The following HK1 variants were observed in gnomAD, a reference collection of about 807,000 sequenced individuals.
HK1 encodes hexokinase-1.
HK1 carries 28 observed loss-of-function variants against 91.6 expected under a neutral mutation model. The ratio of observed to expected loss-of-function variants is 0.31; its 90% confidence interval spans 0.23 to 0.42. The LOEUF (loss-of-function observed/expected upper bound fraction) is 0.42, where lower values mean the gene tolerates loss of function less well. HK1 is among the 10% of genes least tolerant of loss of function. The pLI is 1.00. For missense variants in HK1, 770 were observed against 1,219.8 expected, an observed-to-expected ratio of 0.63 and a Z score of 5.49; for synonymous variants, 430 against 468.1, an observed-to-expected ratio of 0.92 and a Z score of 1.05.
chr10:69,293,965 C>A (rs1338683487), intron 3 of HK1, among the ~76,000 whole-genome samples: 4 of 148,742 alleles, frequency 2.7e-5, no homozygotes, highest in Non-Finnish European at 5.9e-5. Flanking sequence ...GGGTTCACGC[C>A]ATTCTCCTGC....
intron 13 of HK1, 193 bp downstream of exon 13, chr10:69,386,611 G>T (rs1049262682): frequency 2.5e-5 from 11 of 437,344 alleles, no homozygotes; most frequent in Admixed American, 1.0e-4. Context: ...GTGAAACCCT[G>T]TCTCTACTAA....
At chr10:69,336,389 C>G (rs1847985495) in intron 1 of HK1, among the ~76,000 whole-genome samples, 1 of 151,684 alleles carries the variant, frequency 6.6e-6, no homozygotes, top group Non-Finnish European at 1.5e-5. Context: ...CAGGGTTTCT[C>G]CATGTTGGTC....
chr10:69,298,067 C>T (rs1204092105), intron 4 of HK1, among the ~76,000 whole-genome samples: 2 of 150,712 alleles, frequency 1.3e-5, no homozygotes, highest in African/African-American at 4.9e-5. Flanking sequence ...AAAAATTAGC[C>T]AGGCGTGGTG....
chr10:69,361,552 A>C (rs1402327229), intron 3 of HK1, among the ~76,000 whole-genome samples: 1 of 152,194 alleles, frequency 6.6e-6, no homozygotes, highest in Non-Finnish European at 1.5e-5. Context: ...TGCTGCAAAC[A>C]TTCCCTGTGT....
At chr10:69,277,028 A>T (rs1307479406) in intron 1 of HK1, among the ~76,000 whole-genome samples, 1 of 152,030 alleles carries the variant, frequency 6.6e-6, no homozygotes, top group Non-Finnish European at 1.5e-5. Flanking sequence ...GCTTCCTCTA[A>T]GTGTTTTGAC....
chr10:69,277,432 G>A (rs1341404804), intron 1 of HK1, among the ~76,000 whole-genome samples: 1 of 152,080 alleles, frequency 6.6e-6, no homozygotes, highest in Admixed American at 6.6e-5. Flanking sequence ...GCCAGGCATG[G>A]TGGTGCCCAC....
chr10:69,347,575 A>T (rs997952067), intron 2 of HK1, among the ~76,000 whole-genome samples: 2 of 151,760 alleles, frequency 1.3e-5, no homozygotes, highest in Non-Finnish European at 2.9e-5. Context: ...AGCTGGGATT[A>T]CAAGTGCGCA....
At chr10:69,324,668 T>G (rs1346854547) in intron 1 of HK1, among the ~76,000 whole-genome samples, 3 of 152,176 alleles carry the variant, frequency 2.0e-5, no homozygotes, top group Non-Finnish European at 4.4e-5. Context: ...CATGGTGTGG[T>G]CATACCTTGG....
chr10:69,369,746 A>C lies in HK1; in HGVS notation c.875+122A>C, dbSNP rs923634730. Reference sequence around the variant, plus strand: ...GATCACAAACAGAAAAGCCTGTCACATTTTTTTTTTGAGGCGGAGTCTTGC... The same window carrying C: ...GATCACAAACAGAAAAGCCTGTCACCTTTTTTTTTTGAGGCGGAGTCTTGC... On this transcript the variant is annotated intron_variant, in intron 7 of 17. Transcript: ENST00000359426. This position sits in a 1 kb window ranked among gnomAD's most constrained non-coding sequence, Gnocchi z 4.4. The C allele has an allele frequency of 6.7e-6, 6 of 896,524 alleles. No individual in the cohort carries two copies. The highest frequency in any genetic ancestry group is 1.7e-5 in the African/African-American group (1 of 58,668). The allele number at this position is 896,524 out of a possible 1,614,324, so 55.5% of individuals were successfully genotyped here. A position where few individuals can be genotyped will look rare whatever the true frequency, so the allele number is the denominator to read the frequency against.
chr10:69,294,509 C>T (rs1845455443), intron 3 of HK1, among the ~76,000 whole-genome samples: 1 of 151,996 alleles, frequency 6.6e-6, no homozygotes, highest in Admixed American at 6.6e-5. Context: ...ATCACTTGAG[C>T]CCAGGAGTTT....
chr10:69,276,117 AAATACATAT>A lies in HK1; in HGVS notation c.-391+6011_-391+6019del, dbSNP rs1844439992. Among the ~76,000 whole-genome samples the A allele has an allele frequency of 7.6e-5, 5 of 65,592 alleles. 1 individual carries two copies. Among genetic ancestry groups the A allele is most frequent in the African/African-American group, 3.6e-4 (5 of 14,000 alleles). The allele number at this position is 65,592 out of a possible 152,430, so 43.0% of individuals were successfully genotyped here. On this transcript the variant is annotated intron_variant, in intron 1 of 21. Coordinates refer to the HK1 transcript ENST00000360289. ...AAAAAAAAAAAAAAAAAAAAAAAAA[AAATACATAT>A]ATATATATATATACACATATATATA...
At chr10:69,397,813 A>T (rs931362505) in intron 16 of HK1, among the ~76,000 whole-genome samples, 1 of 152,244 alleles carries the variant, frequency 6.6e-6, no homozygotes, top group Non-Finnish European at 1.5e-5. Flanking sequence ...TTGAGACGTA[A>T]GAAGTAGTTT....
intron 1 of HK1, chr10:69,338,309 G>A (rs1353001783): frequency 8.5e-7 from 1 of 1,180,460 alleles, no homozygotes; most frequent in Non-Finnish European, 1.1e-6. Flanking sequence ...GGGTTCTCAG[G>A]CAAGAGTCTG....
At chr10:69,333,959 A>G (rs1258315476) in intron 1 of HK1, among the ~76,000 whole-genome samples, 1 of 152,058 alleles carries the variant, frequency 6.6e-6, no homozygotes. Context: ...AAAAATACAA[A>G]AATTAGCTGG....
intron 7 of HK1, among the ~76,000 whole-genome samples, chr10:69,371,075 A>G (rs781104151): frequency 3.9e-5 from 6 of 152,258 alleles, no homozygotes; most frequent in Non-Finnish European, 7.3e-5. Flanking sequence ...ATGACCCAAA[A>G]GATCTCAGTA....
At chr10:69,331,373 A>T (rs1182243117) in intron 1 of HK1, among the ~76,000 whole-genome samples, 1 of 152,228 alleles carries the variant, frequency 6.6e-6, no homozygotes, top group East Asian at 1.9e-4. Context: ...GGCCTTCTTC[A>T]TAGAAACTGT....
chr10:69,311,620 C>T (rs1031958264), upstream of HK1, among the ~76,000 whole-genome samples: 2 of 152,108 alleles, frequency 1.3e-5, no homozygotes, highest in African/African-American at 4.8e-5. Context: ...GTTAACCCTT[C>T]CTCCTCCAGG....
chr10:69,368,617 A>G lies in HK1; in HGVS notation c.577A>G (p.Ile193Val). The G allele has an allele frequency of 6.2e-7, 1 of 1,613,990 alleles. No individual in the cohort carries two copies. Among genetic ancestry groups the G allele is most frequent in the Non-Finnish European group, 8.5e-7 (1 of 1,179,792 alleles). Reference protein sequence around the residue: ...ADVVKLLNKAIKKRGDYDANI... With the variant: ...ADVVKLLNKAVKKRGDYDANI... ...TGTGGTCAAACTGCTTAACAAAGCC[A>G]TCAAAAAGCGAGGGGTAATTTCTCC... Residue 193 changes from isoleucine to valine, a missense_variant, in exon 5 of 18, where the codon ATC becomes GTC. Around this residue, in one of 7 missense-constraint regions of HK1, gnomAD observed 449 missense variants for 665.1 expected, o/e 0.68. Coordinates refer to ENST00000359426, the MANE Select transcript of HK1 (RefSeq NM_000188.3).
intron 12 of HK1, among the ~76,000 whole-genome samples, chr10:69,385,978 T>C (rs1024035010): frequency 6.6e-6 from 1 of 152,202 alleles, no homozygotes; most frequent in African/African-American, 2.4e-5. Flanking sequence ...TAGACTCTTC[T>C]GTACAGCTGG....
Sources: allele counts gnomAD v4.1 joint callset (sites outside exome capture counted in the v4.1 genomes callset), GRCh38; gene constraint gnomAD v4.1.1; regional missense constraint gnomAD v4.1.1; non-coding constraint Gnocchi (gnomAD v3.1); transcripts MANE v1.5; gene names NCBI Gene and HGNC (gene_info 2026-07-23, HGNC 2026-07-21).